Variants in PHC3 observed in about 807,000 individuals in gnomAD.
PHC3 encodes the protein polyhomeotic homolog 3.
In PHC3, 13 loss-of-function variants were observed where a neutral mutation model predicts 107.4. The ratio of observed to expected loss-of-function variants is 0.12; its 90% CI spans 0.08 to 0.19. The LOEUF is 0.19. Ranked by LOEUF, PHC3 falls within the 10% of genes least tolerant of loss-of-function variation. The pLI, the probability that PHC3 is intolerant of heterozygous loss-of-function variation, is 1.00. For synonymous variants in PHC3, 456 were observed against 427.4 expected, an observed-to-expected ratio of 1.07 and a Z score of -0.83; for missense variants, 992 against 1,210.9, an observed-to-expected ratio of 0.82 and a Z score of 2.68.
At chr3:170,134,201 T>C (rs1414656831) in intron 7 of PHC3, among the ~76,000 whole-genome samples, 2 of 151,916 alleles carry the variant, frequency 1.3e-5, no homozygotes, top group Non-Finnish European at 2.9e-5. Flanking sequence ...TATATATATA[T>C]ATTTTTGAGA....
intron 4 of PHC3, among the ~76,000 whole-genome samples, chr3:170,153,568 C>T (rs1007925039): frequency 1.2e-4 from 18 of 152,026 alleles, no homozygotes; most frequent in Non-Finnish European, 4.4e-5. Context: ...TTGAGACCAT[C>T]CTGGATAACA....
At chr3:170,179,024 A>T in intron 1 of PHC3, 86 bp from the exon 2 acceptor site, 1 of 1,315,482 alleles carries the variant, frequency 7.6e-7, no homozygotes, top group Non-Finnish European at 1.1e-6. Context: ...AATAATCAGC[A>T]GTAATCTAAA....
chr3:170,158,093 AG>A (rs1324283003), intron 4 of PHC3, among the ~76,000 whole-genome samples: 2 of 152,170 alleles, frequency 1.3e-5, no homozygotes, highest in African/African-American at 4.8e-5. Context: ...CAATTAATAC[AG>A]TAAAAAAGGA....
In PHC3 at chr3:170,088,098, G is replaced by A. The variant is rs1367307669; in HGVS notation, c.*9132C>T. ...AAAACTATTTCATTTCTTGTAAGGA[G>A]GACTCTAATACAATATCCAATGTAA... is the stretch of plus-strand genomic sequence containing the variant. On this transcript the variant is annotated 3_prime_UTR_variant, in exon 15 of 15. Transcript: ENST00000495893. The A allele has an allele frequency of 6.6e-6, 1 of 151,964 alleles. No homozygotes were observed. Among genetic ancestry groups the A allele is most frequent in the Non-Finnish European group, 1.5e-5 (1 of 67,982 alleles). The allele number at this position is 151,964 out of a possible 1,614,324, so 9.4% of individuals were successfully genotyped here. A position where few individuals can be genotyped will look rare whatever the true frequency, so the allele number is the denominator to read the frequency against.
At chr3:170,171,735 CCA>C (rs1213447045) in intron 3 of PHC3, among the ~76,000 whole-genome samples, 1 of 152,104 alleles carries the variant, frequency 6.6e-6, no homozygotes, top group African/African-American at 2.4e-5. Context: ...AATCACTACT[CCA>C]GAGTTATGAA....
chr3:170,121,173 G>C (rs1450660461), intron 9 of PHC3, among the ~76,000 whole-genome samples: 1 of 151,872 alleles, frequency 6.6e-6, no homozygotes, highest in East Asian at 1.9e-4. Flanking sequence ...CATTAGCTTG[G>C]ACCACAGAAA....
intron 8 of PHC3, among the ~76,000 whole-genome samples, chr3:170,126,440 G>A (rs1299433398): frequency 2.7e-5 from 4 of 147,778 alleles, no homozygotes; most frequent in African/African-American, 7.5e-5. Flanking sequence ...AATGTTTTAA[G>A]GTAGAAGTGC....
At chr3:170,127,498 G>A (rs1042337604) in intron 8 of PHC3, among the ~76,000 whole-genome samples, 2 of 128,176 alleles carry the variant, frequency 1.6e-5, no homozygotes, top group Non-Finnish European at 3.3e-5. Flanking sequence ...TTTACAGAAG[G>A]TATAATTCAA....
chr3:170,115,740 C>T (rs1025467969), intron 10 of PHC3, among the ~76,000 whole-genome samples: 1 of 152,176 alleles, frequency 6.6e-6, no homozygotes, highest in African/African-American at 2.4e-5. Flanking sequence ...ACCGTCTCCA[C>T]CTGACAAATA....
chr3:170,179,555 A>G (rs1259465657), intron 1 of PHC3, among the ~76,000 whole-genome samples: 1 of 152,222 alleles, frequency 6.6e-6, no homozygotes, highest in African/African-American at 2.4e-5. Flanking sequence ...TTATTAGCAG[A>G]TTGCTGTGAG....
At position 170,129,431 on chromosome 3, in the gene PHC3, C is replaced by T; in HGVS notation, c.1041G>A (p.Gln347=). 6.2e-7 allele frequency: 1 copy of T among 1,613,812 alleles called. No individual in the cohort carries two copies. Among genetic ancestry groups the T allele is most frequent in the Non-Finnish European group, 8.5e-7 (1 of 1,179,848 alleles). ...LILQQQQQQI[Q]PITLQNSTQD... is the part of the protein sequence containing the mutation. ...GAGTTGAATTCTGAAGTGTGATTGG[C>T]TGAATTTGCTGTTGCTGCTGTTGTA... The change falls in exon 8 of 15, where the codon CAG becomes CAA. Residue 347 remains glutamine (Q), a synonymous_variant. Coordinates refer to ENST00000495893, the MANE Select transcript of PHC3 (RefSeq NM_024947.4).
intron 1 of PHC3, among the ~76,000 whole-genome samples, chr3:170,181,035 T>C (rs1445088828): frequency 6.6e-6 from 1 of 152,124 alleles, no homozygotes; most frequent in Non-Finnish European, 1.5e-5. Flanking sequence ...TAACTAAACA[T>C]ACCGTCACAC....
At chr3:170,130,862 A>G (rs1026663503) in intron 7 of PHC3, among the ~76,000 whole-genome samples, 2 of 152,212 alleles carry the variant, frequency 1.3e-5, no homozygotes, top group Admixed American at 6.5e-5. Flanking sequence ...CTTAATGTTA[A>G]TATCATGTAA....
intron 1 of PHC3, among the ~76,000 whole-genome samples, chr3:170,179,440 GTTC>G (rs1434323469): frequency 6.6e-6 from 1 of 152,078 alleles, no homozygotes; most frequent in African/African-American, 2.4e-5. Context: ...TTAAAAATAA[GTTC>G]TTTTTAAAAA....
In PHC3 at chr3:170,176,000, G is replaced by A. The variant is rs1359786061; in HGVS notation, c.180+2773C>T. 2.0e-5 allele frequency among the ~76,000 whole-genome samples: 3 copies of A among 151,302 alleles called. No individual in the cohort carries two copies. The East Asian group carries it at 5.8e-4, about 29-fold the overall frequency. On this transcript the variant is annotated intron_variant, in intron 2 of 14. Coordinates refer to ENST00000495893, the MANE Select transcript of PHC3 (RefSeq NM_024947.4). ...CCTAGCACTTTGGGAGGCCAAGGCA[G>A]GTGGATCACAAGGTCAGGAGTTTGA...
At chr3:170,119,036 T>TAAAAAAAAAAAAAAAAAAGAA (rs1719624702) in intron 9 of PHC3, among the ~76,000 whole-genome samples, 5 of 72,658 alleles carry the variant, frequency 6.9e-5, no homozygotes, top group African/African-American at 1.4e-4. Flanking sequence ...TATAAAAAGC[T>TAAAAAAAAAAAAAAAAAAGAA]AAAAAAAAAA....
intron 2 of PHC3, among the ~76,000 whole-genome samples, chr3:170,176,296 A>T (rs1730469841): frequency 6.6e-6 from 1 of 152,102 alleles, no homozygotes; most frequent in South Asian, 2.1e-4. Context: ...GGTAAAAAAC[A>T]TTAAAACCTC....
intron 2 of PHC3, among the ~76,000 whole-genome samples, chr3:170,174,115 C>G (rs907246893): frequency 6.6e-6 from 1 of 152,028 alleles, no homozygotes. Flanking sequence ...ACTGCTTGAA[C>G]CCAGGAGGTG....
At chr3:170,171,304 AAC>A in intron 4 of PHC3, 67 bp downstream of exon 4, 2 of 1,102,594 alleles carry the variant, frequency 1.8e-6, no homozygotes, top group South Asian at 3.0e-5. Context: ...CATAAATAAC[AAC>A]AGTTTACTTT....
Sources: allele counts gnomAD v4.1 joint callset (sites outside exome capture counted in the v4.1 genomes callset), GRCh38; gene constraint gnomAD v4.1.1; transcripts MANE v1.5; gene names NCBI Gene and HGNC (gene_info 2026-07-23, HGNC 2026-07-21).